MYH14: variants seen among roughly 807,000 people sequenced by gnomAD.
MYH14 encodes myosin heavy chain 14.
Under a neutral mutation model 255.5 loss-of-function variants are expected in MYH14, and 123 were observed. The ratio of observed to expected loss-of-function variants is 0.48; its 90% confidence interval spans 0.42 to 0.56. The LOEUF is 0.56. Among genes scored for constraint, MYH14 ranks in the 20% least tolerant of loss-of-function variants. The pLI, the probability that MYH14 is intolerant of heterozygous loss-of-function variation, is 0.00. For missense variants in MYH14, 2,423 were observed against 2,802.3 expected, an observed-to-expected ratio of 0.86 and a Z score of 3.06; for synonymous variants, 1,095 against 1,161.2, an observed-to-expected ratio of 0.94 and a Z score of 1.16.
intron 17 of MYH14, among the ~76,000 whole-genome samples, chr19:50,255,556 T>A (rs1357010518): frequency 6.6e-6 from 1 of 152,148 alleles, no homozygotes; most frequent in Non-Finnish European, 1.5e-5. Flanking sequence ...CCAGCTCGCG[T>A]TTCTTGAGCA....
intron 40 of MYH14, among the ~76,000 whole-genome samples, chr19:50,303,021 G>A (rs1026545168): frequency 6.6e-6 from 1 of 152,220 alleles, no homozygotes; most frequent in African/African-American, 2.4e-5. Flanking sequence ...GCAAGTAACT[G>A]CAGTCTCACT....
chr19:50,258,506 T>A (rs2034677378), intron 18 of MYH14: 1 of 151,988 alleles, frequency 6.6e-6, no homozygotes, highest in Non-Finnish European at 1.5e-5. Context: ...GGAGGACTGC[T>A]TGAGCCCAGG....
chr19:50,227,445 C>T (rs929733948), intron 8 of MYH14, among the ~76,000 whole-genome samples: 33 of 152,080 alleles, frequency 2.2e-4, no homozygotes, highest in Non-Finnish European at 7.4e-5. Context: ...GCCACATCCC[C>T]GCCTGCACCC....
intron 8 of MYH14, among the ~76,000 whole-genome samples, chr19:50,229,864 A>G (rs932193339): frequency 1.3e-5 from 2 of 152,140 alleles, no homozygotes; most frequent in Non-Finnish European, 2.9e-5. Flanking sequence ...AGGGTGCTTC[A>G]TGCACAATAA....
chr19:50,237,691 C>T (rs4239489), intron 10 of MYH14, among the ~76,000 whole-genome samples: 146,729 of 152,286 alleles, frequency 0.96, 70,741 homozygotes, highest in African/African-American at 0.99. Context: ...CGCTAGTTTC[C>T]AGTTCCTCCA....
In MYH14 at chr19:50,242,026, GT is replaced by G. The variant is rs370277862; in HGVS notation, c.1115-2214del. ...TTATACGTAAAACTGTTGGGAATTT[GT>G]TGCAGATAATTACAAACCATGACTT... On this transcript the variant is annotated intron_variant, in intron 10 of 42. Coordinates refer to ENST00000642316, the MANE Select transcript of MYH14 (RefSeq NM_001145809.2). Among the ~76,000 whole-genome samples the G allele has an allele frequency of 4.7e-3, 720 of 152,318 alleles. 2 individuals carry two copies. Among genetic ancestry groups the G allele is most frequent in the Middle Eastern group, 0.02 (6 of 294 alleles).
rs2034440527 is a variant in MYH14, at chr19:50,252,531, G to A, written c.1831-108G>A. The A allele has an allele frequency of 3.9e-6, 3 of 765,956 alleles. No individual in the cohort carries two copies. In the South Asian group the frequency reaches 4.4e-5, roughly 11 times the overall value. The allele number at this position is 765,956 out of a possible 1,614,324, so 47.4% of individuals were successfully genotyped here. A position where few individuals can be genotyped will look rare whatever the true frequency, so the allele number is the denominator to read the frequency against. On this transcript the variant is annotated intron_variant, in intron 15 of 42. Coordinates refer to ENST00000642316, the MANE Select transcript of MYH14 (RefSeq NM_001145809.2). The surrounding 1 kb of genome is among the most constrained non-coding windows in gnomAD (Gnocchi z 4.2). ...GTGGCACCAGTGCTCGCTTGTCCAT[G>A]GTGAGCTCCAGACCTGGGAGTCTCA...
rs367816047 is a variant in MYH14, at chr19:50,280,156, C to T, written c.4137+15C>T. On this transcript the variant is annotated intron_variant, in intron 31 of 42. Transcript: ENST00000642316. The surrounding 1 kb of genome is among the most constrained non-coding windows in gnomAD (Gnocchi z 4.8). ...ACGATGCCCAGGTGACCCTGCCTGC[C>T]CTTCGGCTCCACCGTCACCCTCCCC... is the stretch of plus-strand genomic sequence containing the variant. The T allele has an allele frequency of 5.1e-6, 8 of 1,580,462 alleles. No individual in the cohort carries two copies. Among genetic ancestry groups the T allele is most frequent in the Non-Finnish European group, 6.0e-6 (7 of 1,164,344 alleles).
chr19:50,228,427 C>T (rs1445696699), intron 8 of MYH14, among the ~76,000 whole-genome samples: 1 of 152,190 alleles, frequency 6.6e-6, no homozygotes, highest in Admixed American at 6.5e-5. Flanking sequence ...GATAAGCTCA[C>T]GCTCTTCCAT....
intron 10 of MYH14, among the ~76,000 whole-genome samples, chr19:50,241,645 A>ATTT (rs57785862): frequency 5.9e-4 from 86 of 146,438 alleles, no homozygotes; most frequent in African/African-American, 1.9e-3. Flanking sequence ...CTGTATATTA[A>ATTT]TTTTTTTTTT....
At chr19:50,267,963 C>T (rs899011495) in intron 23 of MYH14, among the ~76,000 whole-genome samples, 198 bp from the exon 24 acceptor site, 5 of 151,888 alleles carry the variant, frequency 3.3e-5, no homozygotes, top group Admixed American at 2.6e-4. Flanking sequence ...AGGATTCTGA[C>T]TTAGTGATTA....
At chr19:50,255,841 T>C (rs1366785811) in intron 17 of MYH14, among the ~76,000 whole-genome samples, 1 of 150,688 alleles carries the variant, frequency 6.6e-6, no homozygotes, top group Non-Finnish European at 1.5e-5. Flanking sequence ...AAATAACATA[T>C]TTGAGCCCCT....
Position 50,261,640 on chromosome 19 carries a change from G to A in MYH14, c.2585+5G>A, listed in dbSNP as rs750471502. 3.1e-6 allele frequency: 5 copies of A among 1,591,764 alleles called. No homozygotes were observed. Among genetic ancestry groups the A allele is most frequent in the Non-Finnish European group, 4.3e-6 (5 of 1,170,972 alleles). On this transcript the variant is annotated splice_donor_5th_base_variant and intron_variant, in intron 21 of 42. Transcript: ENST00000642316. ...CCGGGGATACCTGGCTCGCAGGTGG[G>A]CAGCCACGCTGTCTCCCGGGGTCCT...
chr19:50,282,030 T>C (rs764069945), intron 33 of MYH14, among the ~76,000 whole-genome samples, 188 bp downstream of exon 33: 25 of 152,236 alleles, frequency 1.6e-4, no homozygotes, highest in Non-Finnish European at 3.2e-4. Flanking sequence ...GATTCATGCC[T>C]CTTGCCACAG....
intron 21 of MYH14, 72 bp downstream of exon 21, chr19:50,261,707 C>G (rs933357426): frequency 1.8e-5 from 25 of 1,425,260 alleles, no homozygotes; most frequent in East Asian, 1.6e-4. Flanking sequence ...CCAGATGGCT[C>G]TAGGTGTCAG....
At chr19:50,307,551 G>A (rs2036694982) in intron 41 of MYH14, among the ~76,000 whole-genome samples, 1 of 152,128 alleles carries the variant, frequency 6.6e-6, no homozygotes, top group Non-Finnish European at 1.5e-5. Flanking sequence ...ATTTATGTGA[G>A]GAAACTGAGG....
rs117022921 is a variant in MYH14, at chr19:50,238,912, T to C, written c.1115-5330T>C. 9.2e-3 allele frequency among the ~76,000 whole-genome samples: 1,404 copies of C among 152,272 alleles called. 6 individuals carry two copies. Among genetic ancestry groups the C allele is most frequent in the Middle Eastern group, 0.017 (5 of 294 alleles). On this transcript the variant is annotated intron_variant, in intron 10 of 42. Coordinates refer to ENST00000642316, the MANE Select transcript of MYH14 (RefSeq NM_001145809.2). ...TGTATTTCCTACGAACATTCCTTTATACAACCACAGACCAGCAGTGTCACC... is the reference window on the plus strand; with the variant it reads ...TGTATTTCCTACGAACATTCCTTTACACAACCACAGACCAGCAGTGTCACC...
intron 24 of MYH14, among the ~76,000 whole-genome samples, chr19:50,269,999 G>A (rs1410296925): frequency 1.3e-5 from 2 of 152,292 alleles, no homozygotes; most frequent in South Asian, 2.1e-4. Flanking sequence ...GATCTCTTAA[G>A]CCCAGAGGTT....
intron 34 of MYH14, among the ~76,000 whole-genome samples, chr19:50,287,691 G>A (rs1230158690): frequency 6.6e-6 from 1 of 152,154 alleles, no homozygotes; most frequent in African/African-American, 2.4e-5. Flanking sequence ...GGGATTACAG[G>A]CATGAGCCAC....
Sources: gnomAD v4.1 joint callset for allele counts (sites outside exome capture counted in the v4.1 genomes callset) on GRCh38, gnomAD v4.1.1 for gene constraint, Gnocchi (gnomAD v3.1) non-coding constraint, MANE v1.5 for transcripts, NCBI Gene and HGNC (gene_info 2026-07-23, HGNC 2026-07-21) for gene names.